Variants in SP6 observed in about 807,000 individuals in gnomAD.
SP6 encodes transcription factor Sp6.
A neutral mutation model predicts 23.4 loss-of-function variants in SP6; 10 were observed. The observed-to-expected ratio is 0.43, with a 90% CI of 0.26 to 0.72. The LOEUF (loss-of-function observed/expected upper bound fraction) is 0.72. SP6 is among the 30% of genes least tolerant of loss of function. SP6 has a pLI of 0.23. For synonymous variants in SP6, 238 were observed against 238.7 expected (o/e 1.00, Z 0.03); for missense variants, 482 against 523.8 (o/e 0.92, Z 0.78).
chr17:47,860,347 G>A (rs748700944), upstream of SP6, among the ~76,000 whole-genome samples: 14 of 152,182 alleles, frequency 9.2e-5, no homozygotes, highest in Non-Finnish European at 1.9e-4. Context: ...AAAATATAGA[G>A]CGTTTAATAT....
chr17:47,874,283 G>A, the SP6 span, among the ~76,000 whole-genome samples: 1 of 152,006 alleles, frequency 6.6e-6, no homozygotes, highest in Admixed American at 6.6e-5. Context: ...TAGAGGCTGG[G>A]TTTCATTATA....
chr17:47,847,750 A>G lies in SP6; in HGVS notation c.680T>C (p.Val227Ala). 1 of 1,583,918 alleles carries G rather than the reference A, an allele frequency of 6.3e-7. No homozygotes were observed. The highest frequency in any genetic ancestry group is 1.3e-5 in the African/African-American group (1 of 74,434). The change falls in exon 2 of 2, where the codon GTC (valine) becomes GCC (alanine). Residue 227 changes from valine (V) to alanine (A), a missense_variant. By Grantham distance (64) the Val-to-Ala change is moderately conservative. This residue lies in a region of SP6 where 330 missense variants were observed against 332.3 expected (regional missense o/e 0.99). Coordinates refer to ENST00000536300, the MANE Select transcript of SP6 (RefSeq NM_001258248.2). The part of the protein sequence containing the change: ...RSVPRSSGQT[V>A]CRCPNCLEAE... ...CTCCAGACAGTTGGGGCAGCGACAG[A>G]CGGTCTGGCCTGAGCTGCGGGGCAC...
chr17:47,873,876 TC>T, the SP6 span, among the ~76,000 whole-genome samples: 1 of 132,774 alleles, frequency 7.5e-6, no homozygotes, highest in African/African-American at 2.7e-5. Flanking sequence ...TTCTTCCTCC[TC>T]CCCCTCCTCT....
chr17:47,867,704 C>T, the SP6 span, among the ~76,000 whole-genome samples: 15 of 151,996 alleles, frequency 9.9e-5, no homozygotes, highest in African/African-American at 3.1e-4. Context: ...GGACCAGGAG[C>T]GGAGTAAGGC....
At chr17:47,856,156 G>A (rs533684236), upstream of SP6, among the ~76,000 whole-genome samples, 5 of 152,124 alleles carry the variant, frequency 3.3e-5, no homozygotes, top group South Asian at 2.1e-4. Context: ...CACACCACAC[G>A]TCTTCAAGTC....
At chr17:47,865,909 T>C in the SP6 span, among the ~76,000 whole-genome samples, 1 of 152,092 alleles carries the variant, frequency 6.6e-6, no homozygotes, top group Non-Finnish European at 1.5e-5. Flanking sequence ...AGAGGAATGA[T>C]GGGTAATTTT....
At chr17:47,874,016 CCTT>C in the SP6 span, among the ~76,000 whole-genome samples, 213 of 151,040 alleles carry the variant, frequency 1.4e-3, no homozygotes, top group Middle Eastern at 3.4e-3. Flanking sequence ...CTTCCTCCCT[CCTT>C]CTTCCCTCCT....
chr17:47,852,869 C>T (rs1179497624), upstream of SP6, among the ~76,000 whole-genome samples: 1 of 152,108 alleles, frequency 6.6e-6, no homozygotes, highest in Non-Finnish European at 1.5e-5. Context: ...ATTGATATGC[C>T]TAAAAATGCT....
the SP6 span, among the ~76,000 whole-genome samples, chr17:47,870,072 G>A: frequency 6.6e-6 from 1 of 152,114 alleles, no homozygotes; most frequent in Admixed American, 6.5e-5. Flanking sequence ...TGTGTGTAGG[G>A]GGAAGAAAGA....
chr17:47,849,028 G>A lies in SP6; in HGVS notation c.-57-542C>T, dbSNP rs541269269. Among the ~76,000 whole-genome samples, 13 of 152,216 alleles carry A rather than the reference G, an allele frequency of 8.5e-5. No homozygotes were observed. In the South Asian group the frequency reaches 2.5e-3, roughly 29 times the overall value. The stretch of plus-strand genomic sequence containing the variant: ...AAAGAGTTCTCATGCCATTCCCAAA[G>A]CATGTTCAGTAATGAAAAGCATTTC... On this transcript the variant is annotated intron_variant, in intron 1 of 1. Transcript: ENST00000536300.
At chr17:47,859,385 T>C (rs2034020184), upstream of SP6, among the ~76,000 whole-genome samples, 1 of 152,248 alleles carries the variant, frequency 6.6e-6, no homozygotes. Flanking sequence ...GCTTCTCTTA[T>C]CCGCACATCA....
chr17:47,860,787 C>T (rs540290100), upstream of SP6, among the ~76,000 whole-genome samples: 97 of 152,260 alleles, frequency 6.4e-4, no homozygotes, highest in African/African-American at 2.3e-3. Flanking sequence ...GGCCTCATGG[C>T]CTTCAAGACA....
intron 1 of SP6, among the ~76,000 whole-genome samples, chr17:47,849,090 C>T (rs144705318): frequency 4.1e-4 from 62 of 152,274 alleles, no homozygotes; most frequent in Middle Eastern, 3.4e-3. Context: ...CTGGTCACAT[C>T]GGGCCCACTA....
rs1201858541 is a variant in SP6 at position 47,847,867 on chromosome 17, C to A, written c.563G>T (p.Gly188Val). ...GGQHLLGPPD[G>V]AKALEVAAPE... ...GGCGGCTACTTCCAAGGCCTTAGCC[C>A]CGTCGGGCGGCCCTAGGAGATGCTG... The change falls in exon 2 of 2, where the codon GGG (glycine) becomes GTG (valine). Residue 188 changes from glycine to valine, a missense_variant. Around this residue, in one of 3 missense-constraint regions of SP6, gnomAD observed 330 missense variants for 332.3 expected, o/e 0.99. Transcript: ENST00000536300. The A allele has an allele frequency of 6.5e-7, 1 of 1,539,066 alleles. No individual in the cohort carries two copies. The highest frequency in any genetic ancestry group is 8.7e-7 in the Non-Finnish European group (1 of 1,143,098).
the SP6 span, among the ~76,000 whole-genome samples, chr17:47,870,254 A>G: frequency 6.6e-6 from 1 of 151,844 alleles, no homozygotes; most frequent in Non-Finnish European, 1.5e-5. Flanking sequence ...CCCTACCCCC[A>G]CTATCTGCTC....
chr17:47,857,718 G>A (rs1292803094), upstream of SP6, among the ~76,000 whole-genome samples: 3 of 152,192 alleles, frequency 2.0e-5, no homozygotes, highest in African/African-American at 7.2e-5. Flanking sequence ...GGGCGGGAGA[G>A]AGGAGCTGGG....
chr17:47,862,577 G>A, the SP6 span, among the ~76,000 whole-genome samples: 3 of 152,002 alleles, frequency 2.0e-5, no homozygotes, highest in Admixed American at 2.0e-4. Context: ...TGTGAAAGGA[G>A]TTAAGTCATT....
chr17:47,856,984 A>C (rs1018256487), upstream of SP6, among the ~76,000 whole-genome samples: 2 of 151,950 alleles, frequency 1.3e-5, no homozygotes, highest in African/African-American at 4.8e-5. Context: ...TTATCCCATA[A>C]AGGCCCTGAC....
At chr17:47,875,243 C>T in the SP6 span, among the ~76,000 whole-genome samples, 4 of 152,122 alleles carry the variant, frequency 2.6e-5, no homozygotes, top group African/African-American at 4.8e-5. Context: ...CCTGCTTCCC[C>T]GGGGGGGCCT....
Sources: gnomAD v4.1 joint callset for allele counts (sites outside exome capture counted in the v4.1 genomes callset) on GRCh38, gnomAD v4.1.1 for gene constraint, gnomAD v4.1.1 regional missense constraint, MANE v1.5 for transcripts, NCBI Gene and HGNC (gene_info 2026-07-23, HGNC 2026-07-21) for gene names.